OPCML: variants seen among roughly 807,000 people sequenced by gnomAD.
OPCML encodes the protein opioid binding protein/cell adhesion molecule like, also known as opioid-binding protein/cell adhesion molecule.
OPCML carries 13 observed loss-of-function variants against 37.8 expected under a neutral mutation model. That is an observed-to-expected ratio of 0.34 (90% CI 0.22 to 0.55). The LOEUF (loss-of-function observed/expected upper bound fraction) is 0.55. Ranked by LOEUF, OPCML falls within the 20% of genes least tolerant of loss-of-function variation. The pLI, the probability that OPCML is intolerant of heterozygous loss-of-function variation, is 0.91. For synonymous variants in OPCML, 176 were observed against 168.8 expected, an observed-to-expected ratio of 1.04 and a Z score of -0.33; for missense variants, 341 against 435.6, an observed-to-expected ratio of 0.78 and a Z score of 1.93.
intron 3 of OPCML, among the ~76,000 whole-genome samples, chr11:132,655,270 G>A (rs962319421): frequency 1.3e-5 from 2 of 152,192 alleles, no homozygotes; most frequent in African/African-American, 4.8e-5. Context: ...GTGCCACTGA[G>A]GTGGCACTTC....
At chr11:132,835,995 G>A (rs1940981643) in intron 2 of OPCML, among the ~76,000 whole-genome samples, 1 of 152,184 alleles carries the variant, frequency 6.6e-6, no homozygotes. Context: ...AATGGAAAGT[G>A]GAAGAAATTC....
intron 1 of OPCML, among the ~76,000 whole-genome samples, chr11:133,242,693 C>T (rs1050888253): frequency 6.6e-6 from 1 of 152,084 alleles, no homozygotes; most frequent in East Asian, 1.9e-4. Context: ...TTCTGAGGTA[C>T]TGAGGATCAG....
chr11:133,050,720 CTT>C (rs71038515), intron 1 of OPCML, among the ~76,000 whole-genome samples: 29,128 of 143,948 alleles, frequency 0.2, 3,374 homozygotes, highest in East Asian at 0.48. Flanking sequence ...CTTCTTCTTC[CTT>C]TTTTTTTTTT....
intron 1 of OPCML, among the ~76,000 whole-genome samples, chr11:133,323,493 G>A (rs1420008041): frequency 6.6e-6 from 1 of 152,054 alleles, no homozygotes; most frequent in Non-Finnish European, 1.5e-5. Context: ...CCAGAGAAAA[G>A]CAGCTGTCCT....
rs150219087 is a variant in OPCML at position 132,693,826 on chromosome 11, A to G, written c.147-36507T>C. 1.6e-3 allele frequency among the ~76,000 whole-genome samples: 242 copies of G among 152,308 alleles called. 1 individual carries two copies. Among genetic ancestry groups the G allele is most frequent in the African/African-American group, 5.5e-3 (229 of 41,568 alleles). On this transcript the variant is annotated intron_variant, in intron 2 of 7. Coordinates refer to ENST00000524381, the MANE Select transcript of OPCML (RefSeq NM_001012393.5). Reference sequence around the variant, plus strand: ...AAATTCCTTTCTCTTTTATTGGGCTAGAAATAATCAAGGGCCACCACGGAG... The same window carrying G: ...AAATTCCTTTCTCTTTTATTGGGCTGGAAATAATCAAGGGCCACCACGGAG...
At chr11:132,896,009 T>C (rs1402347872) in intron 2 of OPCML, among the ~76,000 whole-genome samples, 1 of 152,118 alleles carries the variant, frequency 6.6e-6, no homozygotes, top group Non-Finnish European at 1.5e-5. Flanking sequence ...GGAAGAAATA[T>C]AAAGTTGGAT....
At chr11:132,701,344 T>C (rs867107761) in intron 2 of OPCML, among the ~76,000 whole-genome samples, 6 of 152,192 alleles carry the variant, frequency 3.9e-5, no homozygotes, top group African/African-American at 4.8e-5. Context: ...ATGGGACTTA[T>C]TGCAATTCAA....
chr11:132,869,889 G>A (rs111984984), intron 2 of OPCML, among the ~76,000 whole-genome samples: 320 of 152,242 alleles, frequency 2.1e-3, no homozygotes, highest in African/African-American at 7.5e-3. Flanking sequence ...CACCTCTCAT[G>A]CTTCTTATGT....
chr11:132,819,394 G>C (rs570544449), intron 2 of OPCML, among the ~76,000 whole-genome samples: 8 of 146,330 alleles, frequency 5.5e-5, no homozygotes, highest in Non-Finnish European at 1.2e-4. Context: ...GGATGAAATA[G>C]ATGTATATAT....
rs532175384 is a variant in OPCML at position 132,479,221 on chromosome 11, G to C, written c.506-41862C>G. 6.0e-4 allele frequency among the ~76,000 whole-genome samples: 92 copies of C among 152,334 alleles called. No homozygotes were observed. The South Asian group carries it at 0.01, about 17-fold the overall frequency. Reference sequence around the variant, plus strand: ...GCATTGCCTCACTCAGGAAGTGCAAGGGGTCAGGGAGTTCCCTTTCCTAGT... The same window carrying C: ...GCATTGCCTCACTCAGGAAGTGCAACGGGTCAGGGAGTTCCCTTTCCTAGT... On this transcript the variant is annotated intron_variant, in intron 4 of 7. Transcript: ENST00000524381.
chr11:132,910,541 G>A (rs1223682255), intron 2 of OPCML, among the ~76,000 whole-genome samples: 1 of 152,224 alleles, frequency 6.6e-6, no homozygotes, highest in Non-Finnish European at 1.5e-5. Context: ...CGGTGGGGAT[G>A]ATGTCACTCT....
In OPCML at chr11:133,004,949, C is replaced by T. The variant is rs754105569; in HGVS notation, c.62-61939G>A. 2.9e-5 allele frequency: 29 copies of T among 985,256 alleles called. 1 individual carries two copies. Among genetic ancestry groups the T allele is most frequent in the Admixed American group, 6.2e-5 (1 of 16,256 alleles). The allele number at this position is 985,256 out of a possible 1,614,324, so 61.0% of individuals were successfully genotyped here. A position where few individuals can be genotyped will look rare whatever the true frequency, so the allele number is the denominator to read the frequency against. ...TGCCTGCCCCTTCCCTCCACTGCACCGAGCTAGTCTACATCATGGTCCTTC... is the reference window on the plus strand; with the variant it reads ...TGCCTGCCCCTTCCCTCCACTGCACTGAGCTAGTCTACATCATGGTCCTTC... On this transcript the variant is annotated intron_variant, in intron 1 of 7. Transcript: ENST00000524381.
intron 3 of OPCML, among the ~76,000 whole-genome samples, chr11:132,557,863 A>G (rs1227220194): frequency 6.6e-6 from 1 of 152,196 alleles, no homozygotes; most frequent in East Asian, 1.9e-4. Context: ...AAGATGCAAC[A>G]TTGTGGTCTT....
At position 132,488,797 on chromosome 11, in the gene OPCML, G is replaced by T. The variant is rs1016610988; in HGVS notation, c.505+40264C>A. 7.2e-5 allele frequency among the ~76,000 whole-genome samples: 11 copies of T among 152,296 alleles called. No individual in the cohort carries two copies. In the South Asian group the frequency reaches 1.2e-3, roughly 17 times the overall value. ...GAGGTATCATGGTTTTCATTGGGTA[G>T]ATCCCTTGGATAATCCTTTCAAGGA... On this transcript the variant is annotated intron_variant, in intron 4 of 7. Transcript: ENST00000524381.
At chr11:132,723,916 T>C (rs1284701636) in intron 2 of OPCML, among the ~76,000 whole-genome samples, 1 of 152,218 alleles carries the variant, frequency 6.6e-6, no homozygotes, top group Non-Finnish European at 1.5e-5. Flanking sequence ...GGAAGTTGGT[T>C]CCCAGGCCTT....
intron 1 of OPCML, among the ~76,000 whole-genome samples, chr11:133,204,904 A>ATATATATATGTG: frequency 7.4e-6 from 1 of 134,302 alleles, no homozygotes; most frequent in African/African-American, 2.8e-5. Flanking sequence ...ATATATATAT[A>ATATATATATGTG]TATATACATA....
At chr11:132,503,369 A>G (rs1314708269) in intron 4 of OPCML, among the ~76,000 whole-genome samples, 1 of 152,206 alleles carries the variant, frequency 6.6e-6, no homozygotes, top group Non-Finnish European at 1.5e-5. Context: ...AGTAATTACC[A>G]CAACTTCTAC....
At chr11:132,669,627 C>T (rs1355694181) in intron 2 of OPCML, among the ~76,000 whole-genome samples, 1 of 152,170 alleles carries the variant, frequency 6.6e-6, no homozygotes, top group Non-Finnish European at 1.5e-5. Context: ...CTTTGGAACA[C>T]CTTTATGTCC....
chr11:133,423,970 C>T (rs1945948325), intron 1 of OPCML, among the ~76,000 whole-genome samples: 1 of 152,170 alleles, frequency 6.6e-6, no homozygotes, highest in South Asian at 2.1e-4. Flanking sequence ...CAAGCAGATG[C>T]CAACACCATG....
Sources: allele counts gnomAD v4.1 joint callset (sites outside exome capture counted in the v4.1 genomes callset), GRCh38; gene constraint gnomAD v4.1.1; transcripts MANE v1.5; gene names NCBI Gene and HGNC (gene_info 2026-07-23, HGNC 2026-07-21).